The following NRXN1 variants were observed in gnomAD, a reference collection of about 807,000 sequenced individuals.
The protein encoded by NRXN1 is neurexin 1, also known as neurexin-1.
In NRXN1, 39 loss-of-function variants were observed where a neutral mutation model predicts 150.9. The observed-to-expected ratio is 0.26, with a 90% CI of 0.20 to 0.34. The LOEUF (loss-of-function observed/expected upper bound fraction) is 0.34. Ranked by LOEUF, NRXN1 falls within the 10% of genes least tolerant of loss-of-function variation. NRXN1 has a pLI of 1.00. For synonymous variants in NRXN1, 924 were observed against 757.0 expected (o/e 1.22, Z -3.62); for missense variants, 1,815 against 1,949.9 (o/e 0.93, Z 1.30).
intron 18 of NRXN1, among the ~76,000 whole-genome samples, chr2:50,196,314 G>T (rs1041405776): frequency 7.9e-5 from 12 of 152,056 alleles, no homozygotes; most frequent in Admixed American, 5.9e-4. Flanking sequence ...CCTTTTAGAT[G>T]CCCTTGTTCT....
intron 21 of NRXN1, among the ~76,000 whole-genome samples, chr2:50,018,361 C>G (rs1573437039): frequency 6.6e-6 from 1 of 152,146 alleles, no homozygotes; most frequent in African/African-American, 2.4e-5. Context: ...CCAAAGCTTG[C>G]TTTTCTCCTA....
chr2:50,765,479 G>C (rs1702277566), intron 5 of NRXN1, among the ~76,000 whole-genome samples: 1 of 152,018 alleles, frequency 6.6e-6, no homozygotes, highest in Non-Finnish European at 1.5e-5. Context: ...TTTCTGCCCA[G>C]GTAAAGTGGT....
In NRXN1 at chr2:50,700,444, A is replaced by C. The variant is rs114200574; in HGVS notation, c.833-76829T>G. 6.7e-3 allele frequency among the ~76,000 whole-genome samples: 1,022 copies of C among 152,304 alleles called. 11 individuals are homozygous for C. The highest frequency in any genetic ancestry group is 0.024 in the African/African-American group (977 of 41,566). ...GCAGGGCCAAAACACAGGAGAAAAA[A>C]AATGTAGGTGAAATTTTAAAAATAA... On this transcript the variant is annotated intron_variant, in intron 5 of 22. Transcript: ENST00000401669.
intron 21 of NRXN1, among the ~76,000 whole-genome samples, chr2:49,994,264 A>G (rs1014843376): frequency 2.0e-5 from 3 of 152,202 alleles, no homozygotes; most frequent in African/African-American, 7.2e-5. Flanking sequence ...GTGGAAACCA[A>G]CAGGTCAAAA....
intron 16 of NRXN1, among the ~76,000 whole-genome samples, chr2:50,468,835 G>A (rs2089185906): frequency 6.6e-6 from 1 of 151,418 alleles, no homozygotes; most frequent in Non-Finnish European, 1.5e-5. Context: ...TAATGAGATA[G>A]TATAGGTAAA....
rs545271461 is a variant in NRXN1, at chr2:49,937,079, TATAAAC to T, written c.4216+6619_4216+6624del. Among the ~76,000 whole-genome samples the T allele has an allele frequency of 1.3e-4, 20 of 152,324 alleles. No individual in the cohort carries two copies. In the South Asian group the frequency reaches 4.1e-3, roughly 32 times the overall value. ...GGACTTGGGAGCCATCTCTTCGTAATATAAACATCAGAGAAGATAGCGCCCCTATCT... is the reference window on the plus strand; with the variant it reads ...GGACTTGGGAGCCATCTCTTCGTAATATCAGAGAAGATAGCGCCCCTATCT... On this transcript the variant is annotated intron_variant, in intron 22 of 22. Coordinates refer to ENST00000401669, the MANE Select transcript of NRXN1 (RefSeq NM_001330078.2).
intron 18 of NRXN1, among the ~76,000 whole-genome samples, chr2:50,172,269 C>G (rs2152802211): frequency 6.6e-6 from 1 of 152,106 alleles, no homozygotes; most frequent in South Asian, 2.1e-4. Context: ...TTAGCCTGTA[C>G]CCTATTTTTT....
At chr2:49,973,233 A>T (rs554048963) in intron 21 of NRXN1, among the ~76,000 whole-genome samples, 53 of 152,316 alleles carry the variant, frequency 3.5e-4, no homozygotes, top group African/African-American at 1.2e-3. Flanking sequence ...AAATCTTACT[A>T]TTGTTGAAAT....
intron 21 of NRXN1, among the ~76,000 whole-genome samples, chr2:49,972,002 T>A (rs191444638): frequency 5.4e-4 from 82 of 152,284 alleles, no homozygotes; most frequent in Admixed American, 1.2e-3. Context: ...ATCCACTAGA[T>A]AACTGACAAG....
chr2:50,669,875 CAA>C (rs35701701), intron 5 of NRXN1, among the ~76,000 whole-genome samples: 1 of 150,120 alleles, frequency 6.7e-6, no homozygotes, highest in South Asian at 2.1e-4. Flanking sequence ...AAAACAACAA[CAA>C]AAAAAACGGA....
chr2:50,610,124 T>C (rs149243328), intron 8 of NRXN1, among the ~76,000 whole-genome samples: 98 of 152,256 alleles, frequency 6.4e-4, no homozygotes, highest in African/African-American at 2.3e-3. Context: ...TCCAAAGATC[T>C]AAAGACAAGA....
chr2:50,896,797 G>C (rs1428205595), intron 5 of NRXN1, among the ~76,000 whole-genome samples: 1 of 151,838 alleles, frequency 6.6e-6, no homozygotes, highest in Non-Finnish European at 1.5e-5. Flanking sequence ...CAGTGAGCCA[G>C]GATTGTGCCA....
chr2:50,861,761 A>AT (rs1208757283), intron 5 of NRXN1, among the ~76,000 whole-genome samples: 2 of 152,016 alleles, frequency 1.3e-5, no homozygotes, highest in Admixed American at 6.6e-5. Context: ...TTGAGCTGAT[A>AT]TTTTTTTCCT....
chr2:50,399,169 G>A (rs1353819409), intron 17 of NRXN1, among the ~76,000 whole-genome samples: 2 of 152,030 alleles, frequency 1.3e-5, no homozygotes, highest in Admixed American at 6.6e-5. Context: ...AATTTTTTAA[G>A]AGACGAATTC....
rs376496887 is a variant in NRXN1 at position 50,520,038 on chromosome 2, T to A, written c.2374+8587A>T. Among the ~76,000 whole-genome samples, 290 of 152,094 alleles carry A rather than the reference T, an allele frequency of 1.9e-3. 1 individual carries two copies. Among genetic ancestry groups the A allele is most frequent in the South Asian group, 0.012 (58 of 4,828 alleles). On this transcript the variant is annotated intron_variant, in intron 12 of 22. Coordinates refer to ENST00000401669, the MANE Select transcript of NRXN1 (RefSeq NM_001330078.2). Reference sequence around the variant, plus strand: ...GTGCAAAACATTCCTATACCATGGCTCTATATTTTTAAAGAAGCACATATT... The same window carrying A: ...GTGCAAAACATTCCTATACCATGGCACTATATTTTTAAAGAAGCACATATT...
chr2:50,732,813 T>A (rs964219762), intron 5 of NRXN1, among the ~76,000 whole-genome samples: 1 of 152,128 alleles, frequency 6.6e-6, no homozygotes, highest in Non-Finnish European at 1.5e-5. Context: ...CCGGCTTGCT[T>A]AAGATCCATG....
At chr2:50,472,501 AAGT>A (rs1219357355) in intron 15 of NRXN1, 30 bp from the exon 16 acceptor site, 1 of 1,585,906 alleles carries the variant, frequency 6.3e-7, no homozygotes, top group African/African-American at 1.4e-5. Flanking sequence ...TTTGTTACAA[AAGT>A]ACCATGTCAT....
intron 5 of NRXN1, among the ~76,000 whole-genome samples, chr2:50,683,646 A>AATATATATATATATATAT (rs71225142): frequency 4.0e-4 from 6 of 14,830 alleles, no homozygotes; most frequent in South Asian, 6.2e-3. Flanking sequence ...AAAAAAAAAA[A>AATATATATATATATATAT]ATATATATAT....
At chr2:50,050,718 C>A (rs971261809) in intron 21 of NRXN1, among the ~76,000 whole-genome samples, 1 of 151,854 alleles carries the variant, frequency 6.6e-6, no homozygotes, top group Non-Finnish European at 1.5e-5. Flanking sequence ...AAGTCAATTA[C>A]GAATTATGGA....
Sources: gnomAD v4.1 joint callset for allele counts (sites outside exome capture counted in the v4.1 genomes callset) on GRCh38, gnomAD v4.1.1 for gene constraint, MANE v1.5 for transcripts, NCBI Gene and HGNC (gene_info 2026-07-23, HGNC 2026-07-21) for gene names.